Variants in DOP1A observed in about 807,000 individuals in gnomAD.
DOP1A encodes protein DOP1A.
A neutral mutation model predicts 267.6 loss-of-function variants in DOP1A; 90 were observed. The ratio of observed to expected loss-of-function variants is 0.34; its 90% CI spans 0.28 to 0.40. The LOEUF (loss-of-function observed/expected upper bound fraction) is 0.40, where lower values mean the gene tolerates loss of function less well. Ranked by LOEUF, DOP1A falls within the 10% of genes least tolerant of loss-of-function variation. DOP1A has a pLI of 1.00. For missense variants in DOP1A, 2,437 were observed against 2,900.4 expected, an observed-to-expected ratio of 0.84 and a Z score of 3.67; for synonymous variants, 932 against 999.1, an observed-to-expected ratio of 0.93 and a Z score of 1.27.
intron 28 of DOP1A, 107 bp from the exon 29 acceptor site, chr6:83,151,776 C>A: frequency 7.0e-7 from 1 of 1,432,550 alleles, no homozygotes; most frequent in South Asian, 1.3e-5. Flanking sequence ...CTATGGGAAT[C>A]AACAAGTCTA....
intron 18 of DOP1A, 64 bp downstream of exon 18, chr6:83,132,392 G>A: frequency 7.0e-7 from 1 of 1,426,412 alleles, no homozygotes; most frequent in Non-Finnish European, 9.4e-7. Flanking sequence ...CACAAATACT[G>A]AAAAGTAAGA....
At chr6:83,085,856 T>C (rs993615785) in intron 1 of DOP1A, among the ~76,000 whole-genome samples, 1 of 151,284 alleles carries the variant, frequency 6.6e-6, no homozygotes, top group African/African-American at 2.4e-5. Flanking sequence ...AGAGTCTCGC[T>C]CTATCGCCAT....
chr6:83,132,662 G>T (rs1016353295), intron 18 of DOP1A, among the ~76,000 whole-genome samples: 1 of 152,116 alleles, frequency 6.6e-6, no homozygotes, highest in Non-Finnish European at 1.5e-5. Flanking sequence ...AGAGGCCTCA[G>T]TTATGGAACT....
intron 1 of DOP1A, among the ~76,000 whole-genome samples, chr6:83,069,934 C>T (rs1785321021): frequency 6.6e-6 from 1 of 152,078 alleles, no homozygotes; most frequent in Non-Finnish European, 1.5e-5. Context: ...GTAATAACTA[C>T]CTATTTTAAG....
intron 1 of DOP1A, among the ~76,000 whole-genome samples, chr6:83,092,113 T>C (rs925436398): frequency 2.2e-4 from 33 of 152,206 alleles, no homozygotes; most frequent in African/African-American, 8.0e-4. Flanking sequence ...GCTAGTCTTT[T>C]GTATCTGACA....
intron 38 of DOP1A, chr6:83,165,652 G>C (rs768212795): frequency 1.5e-5 from 3 of 202,156 alleles, no homozygotes; most frequent in Non-Finnish European, 3.2e-5. Context: ...CAATTTCCCT[G>C]CAAAACGTTG....
chr6:83,088,257 T>A (rs777930175), intron 1 of DOP1A, among the ~76,000 whole-genome samples: 60 of 152,192 alleles, frequency 3.9e-4, no homozygotes, highest in Non-Finnish European at 7.6e-4. Context: ...GATGATCTGT[T>A]GAGCACATAT....
At chr6:83,093,543 T>C (rs1433318199) in intron 1 of DOP1A, among the ~76,000 whole-genome samples, 1 of 152,214 alleles carries the variant, frequency 6.6e-6, no homozygotes, top group Non-Finnish European at 1.5e-5. Context: ...CAATAAAATG[T>C]AAGACATGTA....
intron 3 of DOP1A, among the ~76,000 whole-genome samples, chr6:83,097,680 G>A (rs1340819014): frequency 1.3e-5 from 2 of 151,996 alleles, no homozygotes; most frequent in Non-Finnish European, 2.9e-5. Flanking sequence ...TGGCATCATT[G>A]ATCAACCTCT....
chr6:83,112,837 GATGTA>G (rs908688760), intron 6 of DOP1A, among the ~76,000 whole-genome samples: 12 of 152,318 alleles, frequency 7.9e-5, no homozygotes, highest in African/African-American at 2.9e-4. Context: ...TTATCTTACA[GATGTA>G]ATGTAAGTAT....
Position 83,153,486 on chromosome 6 carries a change from C to T in DOP1A, c.6130-25C>T, listed in dbSNP as rs371117670. 1.8e-5 allele frequency: 27 copies of T among 1,495,502 alleles called. No homozygotes were observed. In the Middle Eastern group the frequency reaches 6.9e-4, roughly 38 times the overall value. 92.6% of individuals were successfully genotyped at this position (1,495,502 alleles called of 1,614,324 possible). On this transcript the variant is annotated intron_variant, in intron 30 of 38. Coordinates refer to ENST00000349129, the MANE Select transcript of DOP1A (RefSeq NM_015018.4). ...GATGTCAGTTTCACCTCATATGTTA[C>T]TCTTCATTTTTTATGTTTTCATAGG...
chr6:83,129,278 C>A lies in DOP1A; in HGVS notation c.2111C>A (p.Ala704Asp). ...IQNNSFSQSLATEHQGDLGRE... is the reference protein window; with the variant it reads ...IQNNSFSQSLDTEHQGDLGRE... ...AATAACTCTTTTTCTCAGTCTTTGG[C>A]TACAGAACATCAAGGGGATCTTGGT... The change falls in exon 16 of 39, where the codon GCT becomes GAT. Residue 704 changes from alanine to aspartate, a missense_variant. Physicochemically the swap from Ala to Asp is moderately radical, Grantham distance 126 (BLOSUM62 -2). This residue lies in a region of DOP1A where 498 missense variants were observed against 513.5 expected (regional missense o/e 0.97). Coordinates refer to ENST00000349129, the MANE Select transcript of DOP1A (RefSeq NM_015018.4). 6.2e-7 allele frequency: 1 copy of A among 1,610,822 alleles called. No individual in the cohort carries two copies. The highest frequency in any genetic ancestry group is 1.1e-5 in the South Asian group (1 of 90,216).
At position 83,167,987 on chromosome 6, in the gene DOP1A, C is replaced by G. The variant is rs1020026001; in HGVS notation, c.7218C>G (p.Val2406=). The part of the protein sequence containing the change: ...LLPFFNVLSQ[V]FNSKVTSRCG... ...CGTTCTTCAATGTGCTCAGTCAAGT[C>G]TTCAACAGCAAAGTCACAAGCCGAT... The change falls in exon 39 of 39, where the codon GTC becomes GTG. Residue 2406 remains valine (V), a synonymous_variant. Transcript: ENST00000349129. 1.2e-6 allele frequency: 2 copies of G among 1,614,072 alleles called. No individual in the cohort carries two copies. Among genetic ancestry groups the G allele is most frequent in the Non-Finnish European group, 1.7e-6 (2 of 1,180,036 alleles).
intron 1 of DOP1A, among the ~76,000 whole-genome samples, chr6:83,094,734 T>C (rs1327525839): frequency 6.6e-6 from 1 of 152,220 alleles, no homozygotes; most frequent in Non-Finnish European, 1.5e-5. Context: ...TTATTTGTCT[T>C]TTTATTATTG....
Position 83,097,130 on chromosome 6 carries a change from T to C in DOP1A, c.138+15T>C, listed in dbSNP as rs187817525. 8.1e-5 allele frequency: 131 copies of C among 1,607,828 alleles called. No individual in the cohort carries two copies. The highest frequency in any genetic ancestry group is 5.0e-4 in the Middle Eastern group (3 of 5,970). ...AACTTAATAAGGTATGTCTGTATTATCCATTTCATAAAAGGAGTAAAAATT... is the reference window on the plus strand; with the variant it reads ...AACTTAATAAGGTATGTCTGTATTACCCATTTCATAAAAGGAGTAAAAATT... On this transcript the variant is annotated intron_variant, in intron 3 of 38. Transcript: ENST00000349129.
intron 7 of DOP1A, among the ~76,000 whole-genome samples, chr6:83,118,544 G>C (rs1394809622): frequency 6.6e-6 from 1 of 152,096 alleles, no homozygotes; most frequent in Non-Finnish European, 1.5e-5. Flanking sequence ...CGTTATAAAT[G>C]TGAAAGACTA....
chr6:83,125,994 A>T (rs573156771), intron 15 of DOP1A, among the ~76,000 whole-genome samples: 7 of 151,984 alleles, frequency 4.6e-5, no homozygotes, highest in Non-Finnish European at 8.8e-5. Flanking sequence ...AAGCAGGTAA[A>T]GTTAATTTTA....
chr6:83,154,120 A>G (rs1782259673), intron 32 of DOP1A, 60 bp from the exon 33 acceptor site: 4 of 1,610,678 alleles, frequency 2.5e-6, no homozygotes, highest in Middle Eastern at 1.6e-4. Flanking sequence ...CTGGAAAGTT[A>G]GAATACTGTT....
In DOP1A at chr6:83,165,021, G is replaced by C. The variant is rs953560673; in HGVS notation, c.7092+2102G>C. 4.3e-5 allele frequency: 12 copies of C among 280,404 alleles called. 1 individual carries two copies. The East Asian group carries it at 8.6e-4, about 20-fold the overall frequency. 17.4% of individuals were successfully genotyped at this position (280,404 alleles called of 1,614,324 possible). A position where few individuals can be genotyped will look rare whatever the true frequency, so the allele number is the denominator to read the frequency against. On this transcript the variant is annotated intron_variant, in intron 38 of 38. Transcript: ENST00000349129. The stretch of plus-strand genomic sequence containing the variant: ...TTAAAGGCTCATCTTGATAGGAATA[G>C]AAACAAAAGGTTACCCCATAGTTCT...
Sources: allele counts gnomAD v4.1 joint callset (sites outside exome capture counted in the v4.1 genomes callset), GRCh38; gene constraint gnomAD v4.1.1; regional missense constraint gnomAD v4.1.1; transcripts MANE v1.5; gene names NCBI Gene and HGNC (gene_info 2026-07-23, HGNC 2026-07-21).